Variants in DBF4 observed in about 807,000 individuals in gnomAD.
DBF4 encodes the protein DBF4-CDC7 kinase regulatory subunit, also known as protein DBF4 homolog A.
DBF4 carries 25 observed loss-of-function variants against 76.6 expected under a neutral mutation model. That is an observed-to-expected ratio of 0.33 (90% CI 0.24 to 0.46). The LOEUF (loss-of-function observed/expected upper bound fraction) is 0.46. Ranked by LOEUF, DBF4 falls within the 20% of genes least tolerant of loss-of-function variation. DBF4 has a pLI of 1.00. For missense variants in DBF4, 638 were observed against 760.8 expected, an observed-to-expected ratio of 0.84 and a Z score of 1.90; for synonymous variants, 213 against 258.0, an observed-to-expected ratio of 0.83 and a Z score of 1.67.
At chr7:87,905,907 G>A (rs1839901989) in intron 11 of DBF4, among the ~76,000 whole-genome samples, 1 of 151,840 alleles carries the variant, frequency 6.6e-6, no homozygotes, top group Non-Finnish European at 1.5e-5. Context: ...CACACCTGTG[G>A]TCCCAGCACT....
chr7:87,896,612 G>T, intron 7 of DBF4, 102 bp downstream of exon 7: 1 of 1,048,112 alleles, frequency 9.5e-7, no homozygotes, highest in Non-Finnish European at 1.4e-6. Context: ...TTTATTCAAG[G>T]CTTTCTTCGT....
rs769278882 is a variant in DBF4, at chr7:87,895,664, A to G, written c.598-810A>G. Among the ~76,000 whole-genome samples the G allele has an allele frequency of 2.8e-4, 42 of 152,198 alleles. 1 individual carries two copies. Among genetic ancestry groups the G allele is most frequent in the Non-Finnish European group, 2.1e-4 (14 of 68,036 alleles). ...AAGCCCTGCACTTGCATGGATTTATATAGGGAATTAGGGATCCCTTTCTCT... is the reference window on the plus strand; with the variant it reads ...AAGCCCTGCACTTGCATGGATTTATGTAGGGAATTAGGGATCCCTTTCTCT... On this transcript the variant is annotated intron_variant, in intron 6 of 11. Transcript: ENST00000265728.
At position 87,908,376 on chromosome 7, in the gene DBF4, A is replaced by AC. The variant is rs1839961280; in HGVS notation, c.*213_*214insC. ...CTTGTGACTGGTCTTGTTTTACATT[A>AC]TATATATGTTCGTAATTGTTTCCTG... On this transcript the variant is annotated 3_prime_UTR_variant, in exon 12 of 12. Coordinates refer to ENST00000265728, the MANE Select transcript of DBF4 (RefSeq NM_006716.4). 2 of 372,040 alleles carry AC rather than the reference A, an allele frequency of 5.4e-6. No individual in the cohort carries two copies. The highest frequency in any genetic ancestry group is 8.9e-5 in the Admixed American group (2 of 22,466). 23.0% of individuals were successfully genotyped at this position (372,040 alleles called of 1,614,324 possible). A position where few individuals can be genotyped will look rare whatever the true frequency, so the allele number is the denominator to read the frequency against.
At chr7:87,899,237 T>C (rs1373152862) in intron 8 of DBF4, among the ~76,000 whole-genome samples, 1 of 152,140 alleles carries the variant, frequency 6.6e-6, no homozygotes, top group Non-Finnish European at 1.5e-5. Context: ...AATTGGACCA[T>C]ATCAAAAATA....
At position 87,907,534 on chromosome 7, in the gene DBF4, G is replaced by A. The variant is rs369253062; in HGVS notation, c.1396G>A (p.Glu466Lys). Residue 466 changes from glutamate to lysine, a missense_variant, in exon 12 of 12, where the codon GAA (glutamate) becomes AAA (lysine). Coordinates refer to ENST00000265728, the MANE Select transcript of DBF4 (RefSeq NM_006716.4). ...NKQECILDIS[E>K]HTLSENDLEE... ...ACAGGAATGCATTCTTGACATTTCC[G>A]AACACACATTAAGTGAAAATGACTT... 25 of 1,613,982 alleles carry A rather than the reference G, an allele frequency of 1.5e-5. No individual in the cohort carries two copies. The highest frequency in any genetic ancestry group is 1.2e-4 in the Admixed American group (7 of 59,998).
intron 2 of DBF4, among the ~76,000 whole-genome samples, chr7:87,879,271 T>C (rs963383541): frequency 6.6e-6 from 1 of 152,184 alleles, no homozygotes; most frequent in Non-Finnish European, 1.5e-5. Flanking sequence ...TAGAAACTTA[T>C]CAGAAGAACA....
At chr7:87,905,177 C>G (rs1297797493) in intron 11 of DBF4, among the ~76,000 whole-genome samples, 1 of 152,126 alleles carries the variant, frequency 6.6e-6, no homozygotes, top group African/African-American at 2.4e-5. Context: ...CTGTAAAGAG[C>G]CAGATAGTTG....
chr7:87,897,108 T>C (rs942344898), intron 7 of DBF4, among the ~76,000 whole-genome samples, 186 bp from the exon 8 acceptor site: 1 of 152,158 alleles, frequency 6.6e-6, no homozygotes, highest in Non-Finnish European at 1.5e-5. Flanking sequence ...TCTCAGAATA[T>C]AGGAGAGAGC....
Position 87,908,278 on chromosome 7 carries a change from G to T in DBF4, c.*115G>T. 9.4e-7 allele frequency: 1 copy of T among 1,068,936 alleles called. No homozygotes were observed. Among genetic ancestry groups the T allele is most frequent in the Non-Finnish European group, 1.2e-6 (1 of 808,200 alleles). The allele number at this position is 1,068,936 out of a possible 1,614,324, so 66.2% of individuals were successfully genotyped here. ...ACCAGCTTTGTTTACAGACCCAAAT[G>T]TAAATATTAAAAATAAATATTTGCA... On this transcript the variant is annotated 3_prime_UTR_variant, in exon 12 of 12. Transcript: ENST00000265728.
intron 7 of DBF4, 42 bp from the exon 8 acceptor site, chr7:87,897,252 C>A: frequency 6.7e-7 from 1 of 1,503,654 alleles, no homozygotes; most frequent in Non-Finnish European, 9.0e-7. Context: ...AAAAAAGAAT[C>A]CTGAATTTGC....
In DBF4 at chr7:87,876,599, T is replaced by A; in HGVS notation, c.-134T>A. 1.0e-6 allele frequency: 1 copy of A among 996,968 alleles called. No individual in the cohort carries two copies. The highest frequency in any genetic ancestry group is 1.5e-6 in the Non-Finnish European group (1 of 653,490). The allele number at this position is 996,968 out of a possible 1,614,324, so 61.8% of individuals were successfully genotyped here. A position where few individuals can be genotyped will look rare whatever the true frequency, so the allele number is the denominator to read the frequency against. ...ACCCGACCTGCAGACGCGGTACCTC[T>A]ACTGCGTAGAGGCCGTAGCTGGCGG... On this transcript the variant is annotated 5_prime_UTR_variant, in exon 1 of 12. Transcript: ENST00000265728.
intron 3 of DBF4, among the ~76,000 whole-genome samples, chr7:87,886,021 A>G (rs1839340577): frequency 6.6e-6 from 1 of 152,202 alleles, no homozygotes; most frequent in Admixed American, 6.5e-5. Context: ...TTGAAAATTA[A>G]GGAAAATGAG....
At chr7:87,899,816 G>C (rs1839727188) in intron 8 of DBF4, among the ~76,000 whole-genome samples, 1 of 152,154 alleles carries the variant, frequency 6.6e-6, no homozygotes, top group African/African-American at 2.4e-5. Context: ...TAGTCAAACT[G>C]ATAACAAGAA....
Position 87,909,075 on chromosome 7 carries a change from CA to C in DBF4, c.*924del, listed in dbSNP as rs933993693. Reference sequence around the variant, plus strand: ...TGGGTGACAGAGTGAGACTCCATCTCAAAAAAAAAAAAGTTGACTCTACCCC... The same window carrying C: ...TGGGTGACAGAGTGAGACTCCATCTCAAAAAAAAAAAGTTGACTCTACCCC... On this transcript the variant is annotated 3_prime_UTR_variant, in exon 12 of 12. Transcript: ENST00000265728. 93 of 135,848 alleles carry C rather than the reference CA, an allele frequency of 6.8e-4. No homozygotes were observed. The highest frequency in any genetic ancestry group is 6.2e-4 in the Non-Finnish European group (39 of 62,622). 8.4% of individuals were successfully genotyped at this position (135,848 alleles called of 1,614,324 possible).
chr7:87,878,460 C>A (rs1220704585), intron 2 of DBF4: 2 of 379,254 alleles, frequency 5.3e-6, no homozygotes, highest in African/African-American at 4.2e-5. Flanking sequence ...GTGTAAGACT[C>A]CCCTGTCCTA....
intron 3 of DBF4, among the ~76,000 whole-genome samples, chr7:87,885,489 C>T (rs1261909884): frequency 6.6e-6 from 1 of 152,208 alleles, no homozygotes; most frequent in African/African-American, 2.4e-5. Context: ...GAGCAGGGGT[C>T]AGCAAACTCT....
At position 87,900,798 on chromosome 7, in the gene DBF4, T is replaced by C. The variant is rs1839764979; in HGVS notation, c.844T>C (p.Ser282Pro). 2 of 1,613,280 alleles carry C rather than the reference T, an allele frequency of 1.2e-6. No homozygotes were observed. Among genetic ancestry groups the C allele is most frequent in the East Asian group, 2.2e-5 (1 of 44,802 alleles). The change falls in exon 10 of 12, where the codon TCA becomes CCA. Residue 282 changes from serine to proline, a missense_variant. Coordinates refer to ENST00000265728, the MANE Select transcript of DBF4 (RefSeq NM_006716.4). ...AGATGGCGATAAGTATGGTGGAACC[T>C]CAATTCAACTCCAGTTGAAAGAGAA... ...QTDGDKYGGTSIQLQLKEKKK... is the reference protein window; with the variant it reads ...QTDGDKYGGTPIQLQLKEKKK...
In DBF4 at chr7:87,896,467, T is replaced by C. The variant is rs765632664; in HGVS notation, c.598-7T>C. 1 of 1,610,598 alleles carries C rather than the reference T, an allele frequency of 6.2e-7. No homozygotes were observed. Among genetic ancestry groups the C allele is most frequent in the African/African-American group, 1.3e-5 (1 of 74,820 alleles). On this transcript the variant is annotated splice_polypyrimidine_tract_variant and splice_region_variant and intron_variant, in intron 6 of 11. Transcript: ENST00000265728. Reference sequence around the variant, plus strand: ...AGCCAATCTTTTCACTATATATTTTTTTTTAGGGCAAAAGAGTTGGTAGTG... The same window carrying C: ...AGCCAATCTTTTCACTATATATTTTCTTTTAGGGCAAAAGAGTTGGTAGTG...
At chr7:87,882,778 A>G (rs1258149948) in intron 2 of DBF4, among the ~76,000 whole-genome samples, 1 of 152,196 alleles carries the variant, frequency 6.6e-6, no homozygotes, top group Non-Finnish European at 1.5e-5. Context: ...ACCTGTTAGG[A>G]TGGTTACTGT....
Sources: allele counts gnomAD v4.1 joint callset (sites outside exome capture counted in the v4.1 genomes callset), GRCh38; gene constraint gnomAD v4.1.1; transcripts MANE v1.5; gene names NCBI Gene and HGNC (gene_info 2026-07-23, HGNC 2026-07-21).